The following RABGEF1 variants were observed in gnomAD, a reference collection of about 807,000 sequenced individuals.
The protein encoded by RABGEF1 is rab5 GDP/GTP exchange factor.
A neutral mutation model predicts 57.3 loss-of-function variants in RABGEF1; 26 were observed. The observed-to-expected ratio is 0.45, with a 90% confidence interval of 0.33 to 0.63. The LOEUF is 0.63. Among genes scored for constraint, RABGEF1 ranks in the 20% least tolerant of loss-of-function variants. The pLI is 0.02. For missense variants in RABGEF1, 464 were observed against 607.6 expected, an observed-to-expected ratio of 0.76 and a Z score of 2.48; for synonymous variants, 185 against 210.7, an observed-to-expected ratio of 0.88 and a Z score of 1.06.
chr7:66,746,477 G>T (rs941279242), intron 1 of RABGEF1, among the ~76,000 whole-genome samples: 2 of 151,682 alleles, frequency 1.3e-5, no homozygotes, highest in Admixed American at 1.3e-4. Context: ...TTTTAGTAGA[G>T]ACGGGGTTTC....
intron 2 of RABGEF1, among the ~76,000 whole-genome samples, chr7:66,713,725 G>T (rs1795039511): frequency 6.6e-6 from 1 of 152,132 alleles, no homozygotes; most frequent in Non-Finnish European, 1.5e-5. Context: ...TATTTAGCAT[G>T]GATGTTGAAT....
At position 66,795,598 on chromosome 7, in the gene RABGEF1, AC is replaced by A. The variant is rs1163331115; in HGVS notation, c.595+7del. 5.0e-6 allele frequency: 8 copies of A among 1,592,008 alleles called. No homozygotes were observed. Among genetic ancestry groups the A allele is most frequent in the Non-Finnish European group, 6.0e-6 (7 of 1,159,920 alleles). ...GATGCAAACTCGTGGGAAAGGTAAC[AC>A]TGTTAGCCATTGAGAGATTGCGGGT... On this transcript the variant is annotated splice_region_variant and intron_variant, in intron 5 of 8. Transcript: ENST00000284957.
intron 4 of RABGEF1, among the ~76,000 whole-genome samples, chr7:66,791,398 T>G (rs1367498400): frequency 6.6e-6 from 1 of 152,252 alleles, no homozygotes; most frequent in Admixed American, 6.5e-5. Flanking sequence ...TGGCACACTT[T>G]AAATGTGTGT....
intron 7 of RABGEF1, among the ~76,000 whole-genome samples, chr7:66,800,411 C>G (rs763250968): frequency 1.3e-5 from 2 of 152,174 alleles, no homozygotes; most frequent in Non-Finnish European, 2.9e-5. Flanking sequence ...TCGGGTTCTG[C>G]TTCTCTTTAT....
chr7:66,766,016 C>T (rs568690417), intron 1 of RABGEF1, among the ~76,000 whole-genome samples: 2 of 152,234 alleles, frequency 1.3e-5, no homozygotes, highest in Admixed American at 1.3e-4. Flanking sequence ...GCCCATTTCT[C>T]TTGGAAGGGA....
rs560251948 is a variant in RABGEF1 at position 66,706,388 on chromosome 7, C to G, written c.-872-5779C>G. On this transcript the variant is annotated intron_variant and NMD_transcript_variant, in intron 1 of 9. Coordinates refer to the RABGEF1 transcript ENST00000607882. ...GGTATGTATTTTAGTTTTTAAAAAC[C>G]CGCCAAACTGTTTTCCAAAGTGGCT... is the stretch of plus-strand genomic sequence containing the variant. 5.3e-5 allele frequency among the ~76,000 whole-genome samples: 8 copies of G among 152,096 alleles called. No homozygotes were observed. The South Asian group carries it at 6.2e-4, about 12-fold the overall frequency.
In RABGEF1 at chr7:66,785,624, C is replaced by T. The variant is rs111486204; in HGVS notation, c.513+1783C>T. Among the ~76,000 whole-genome samples, 429 of 152,236 alleles carry T rather than the reference C, an allele frequency of 2.8e-3. 1 individual carries two copies. The highest frequency in any genetic ancestry group is 9.9e-3 in the African/African-American group (413 of 41,530). Reference sequence around the variant, plus strand: ...GTGCGGTGGCTCACGCCTGTAATCCCAACATTTTGGGAGGCCGAGGCAGGC... The same window carrying T: ...GTGCGGTGGCTCACGCCTGTAATCCTAACATTTTGGGAGGCCGAGGCAGGC... On this transcript the variant is annotated intron_variant, in intron 4 of 8. Coordinates refer to ENST00000284957, the MANE Select transcript of RABGEF1 (RefSeq NM_014504.3).
At chr7:66,703,009 C>T (rs1178756219) in intron 1 of RABGEF1, among the ~76,000 whole-genome samples, 4 of 151,976 alleles carry the variant, frequency 2.6e-5, no homozygotes, top group African/African-American at 4.8e-5. Context: ...CTCGCTCTGT[C>T]GCCGCCCAGG....
chr7:66,785,258 C>G (rs566761703), intron 4 of RABGEF1, among the ~76,000 whole-genome samples: 7 of 152,332 alleles, frequency 4.6e-5, no homozygotes, highest in African/African-American at 1.7e-4. Context: ...CATATGGCCT[C>G]AGATTCCTCC....
At chr7:66,730,329 C>G (rs1475292427) in intron 2 of RABGEF1, among the ~76,000 whole-genome samples, 1 of 152,030 alleles carries the variant, frequency 6.6e-6, no homozygotes, top group African/African-American at 2.4e-5. Flanking sequence ...CCTCATCTAT[C>G]GACAGGGGAT....
chr7:66,698,676 T>A (rs1792731202), intron 1 of RABGEF1, among the ~76,000 whole-genome samples: 1 of 151,936 alleles, frequency 6.6e-6, no homozygotes, highest in African/African-American at 2.4e-5. Context: ...AAATGCATTG[T>A]CCCCCTCCTC....
At chr7:66,687,530 T>C (rs1046122178) in intron 1 of RABGEF1, among the ~76,000 whole-genome samples, 8 of 149,574 alleles carry the variant, frequency 5.3e-5, no homozygotes, top group African/African-American at 2.0e-4. Context: ...AAGAAGAATA[T>C]AGGCTATGAG....
At chr7:66,735,602 G>C (rs968434664) in intron 2 of RABGEF1, among the ~76,000 whole-genome samples, 2 of 152,174 alleles carry the variant, frequency 1.3e-5, no homozygotes, top group East Asian at 3.9e-4. Flanking sequence ...ATTGTGGGGG[G>C]GGTTTCCCCT....
intron 1 of RABGEF1, among the ~76,000 whole-genome samples, chr7:66,756,425 C>G (rs147278921): frequency 0.011 from 1,711 of 152,296 alleles, 24 homozygotes; most frequent in African/African-American, 0.037. Context: ...GTTTCTGTTT[C>G]TAGCAAACTG....
chr7:66,729,265 ACCACCATCCTCG>A (rs1014329593), intron 2 of RABGEF1, among the ~76,000 whole-genome samples: 51 of 150,182 alleles, frequency 3.4e-4, no homozygotes, highest in African/African-American at 1.2e-3. Context: ...CTCCACCATT[ACCACCATCCTCG>A]CCTTCATCCT....
At chr7:66,748,576 T>C (rs1800751252) in intron 1 of RABGEF1, among the ~76,000 whole-genome samples, 1 of 152,212 alleles carries the variant, frequency 6.6e-6, no homozygotes, top group Non-Finnish European at 1.5e-5. Context: ...AAAATCACTT[T>C]ATTCTAATTA....
chr7:66,774,494 A>C (rs1808027007), intron 2 of RABGEF1, among the ~76,000 whole-genome samples: 1 of 152,220 alleles, frequency 6.6e-6, no homozygotes, highest in Non-Finnish European at 1.5e-5. Flanking sequence ...ATCACAGTTC[A>C]TCACACGCCC....
upstream of RABGEF1, among the ~76,000 whole-genome samples, chr7:66,738,387 C>CAG (rs1469949034): frequency 1.3e-5 from 2 of 152,116 alleles, no homozygotes; most frequent in Non-Finnish European, 2.9e-5. Context: ...CTGCTTTCCT[C>CAG]AGGCCTTTTC....
At chr7:66,755,892 T>C (rs947925868) in intron 1 of RABGEF1, 62 of 525,764 alleles carry the variant, frequency 1.2e-4, no homozygotes, top group Admixed American at 8.5e-4. Flanking sequence ...TTTGGAATTA[T>C]TTGTCCAAGC....
Sources: allele counts gnomAD v4.1 joint callset (sites outside exome capture counted in the v4.1 genomes callset), GRCh38; gene constraint gnomAD v4.1.1; transcripts MANE v1.5; gene names NCBI Gene and HGNC (gene_info 2026-07-23, HGNC 2026-07-21).